KLHL10: variants seen among roughly 807,000 people sequenced by gnomAD.
KLHL10 encodes the protein kelch like family member 10.
In KLHL10, 11 loss-of-function variants were observed where a neutral mutation model predicts 46.6. The ratio of observed to expected loss-of-function variants is 0.24; its 90% CI spans 0.15 to 0.39. The LOEUF is 0.39. Among genes scored for constraint, KLHL10 ranks in the 10% least tolerant of loss-of-function variants. KLHL10 has a pLI of 1.00. For missense variants in KLHL10, 475 were observed against 789.8 expected (o/e 0.60, Z 4.78); for synonymous variants, 254 against 279.1 (o/e 0.91, Z 0.90).
intron 3 of KLHL10, 63 bp downstream of exon 3, chr17:41,845,806 C>T (rs2048278376): frequency 6.2e-7 from 1 of 1,600,414 alleles, no homozygotes; most frequent in African/African-American, 1.3e-5. Flanking sequence ...AATGATACTG[C>T]TCTTTTTTGG....
chr17:41,844,542 A>ATTTTTTTTTTTTTTTTTTTTTTTTTTTTT, intron 2 of KLHL10, among the ~76,000 whole-genome samples: 1 of 115,348 alleles, frequency 8.7e-6, no homozygotes, highest in Non-Finnish European at 1.7e-5. Context: ...TGGTTTTTGT[A>ATTTTTTTTTTTTTTTTTTTTTTTTTTTTT]TTTTTTTTTT....
rs1211084687 is a variant in KLHL10, at chr17:41,842,992, G to A, written c.684+680G>A. Among the ~76,000 whole-genome samples, 5 of 151,868 alleles carry A rather than the reference G, an allele frequency of 3.3e-5. No individual in the cohort carries two copies. The East Asian group carries it at 9.7e-4, about 29-fold the overall frequency. ...TTAAAAATTAACCAGGCTTGGTGGT[G>A]CATGCCTGCAGTTCCAGCTACTGGG... On this transcript the variant is annotated intron_variant, in intron 2 of 4. Coordinates refer to ENST00000293303, the MANE Select transcript of KLHL10 (RefSeq NM_152467.5).
rs782311644 is a variant in KLHL10 at position 41,841,954 on chromosome 17, T to C, written c.326T>C (p.Val109Ala). The change falls in exon 2 of 5, where the codon GTG becomes GCG. Residue 109 changes from valine (V) to alanine (A), a missense_variant. Coordinates refer to ENST00000293303, the MANE Select transcript of KLHL10 (RefSeq NM_152467.5). ...TRTVPITPDN[V>A]EKLLAAADQF... ...ACCGTGCCTATCACACCGGACAATG[T>C]GGAGAAACTGCTTGCTGCTGCAGAC... The C allele has an allele frequency of 1.9e-6, 3 of 1,614,194 alleles. No individual in the cohort carries two copies. Among genetic ancestry groups the C allele is most frequent in the Non-Finnish European group, 2.5e-6 (3 of 1,180,036 alleles).
At chr17:41,836,976 GGAGACCC>G (rs1335116972), upstream of KLHL10, among the ~76,000 whole-genome samples, 146 of 152,228 alleles carry the variant, frequency 9.6e-4, no homozygotes, top group African/African-American at 3.4e-3. Context: ...CAGCGGGCTG[GGAGACCC>G]GGGACAGCTT....
At chr17:41,846,055 C>CA (rs2048281812) in intron 3 of KLHL10, among the ~76,000 whole-genome samples, 1 of 151,426 alleles carries the variant, frequency 6.6e-6, no homozygotes, top group African/African-American at 2.4e-5. Flanking sequence ...ACTAAAAATA[C>CA]AAAAAATTAG....
chr17:41,844,475 G>A (rs1289793363), intron 2 of KLHL10, among the ~76,000 whole-genome samples: 1 of 150,696 alleles, frequency 6.6e-6, no homozygotes, highest in Non-Finnish European at 1.5e-5. Context: ...CAAGTGATCT[G>A]CCCACCTCGG....
chr17:41,836,443 T>C (rs1232835470), upstream of KLHL10: 28 of 984,922 alleles, frequency 2.8e-5, no homozygotes, highest in Non-Finnish European at 3.4e-5. Flanking sequence ...GTGTTGGGGT[T>C]ACGTGGGTAG....
chr17:41,838,688 G>C (rs1279591318), intron 1 of KLHL10, among the ~76,000 whole-genome samples: 2 of 120,142 alleles, frequency 1.7e-5, no homozygotes, highest in African/African-American at 6.3e-5. Context: ...TGAGAGATCT[G>C]ATTTTTGTCT....
Position 41,847,336 on chromosome 17 carries a change from T to C in KLHL10, c.1378T>C (p.Trp460Arg). 3 of 1,613,938 alleles carry C rather than the reference T, an allele frequency of 1.9e-6. No homozygotes were observed. Among genetic ancestry groups the C allele is most frequent in the Non-Finnish European group, 2.5e-6 (3 of 1,179,950 alleles). ...AGTGTATAACACTGAAAGTAATCAG[T>C]GGACAGTCATAGCACCCATGAGAAG... is the stretch of plus-strand genomic sequence containing the variant. ...AEVYNTESNQ[W>R]TVIAPMRSRR... is the part of the protein sequence containing the mutation. Residue 460 changes from tryptophan (W) to arginine (R), a missense_variant, in exon 4 of 5, where the codon TGG (tryptophan) becomes CGG (arginine). Physicochemically the swap from Trp to Arg is moderately radical, Grantham distance 101 (BLOSUM62 -3). Coordinates refer to ENST00000293303, the MANE Select transcript of KLHL10 (RefSeq NM_152467.5).
chr17:41,844,984 T>C, intron 2 of KLHL10, 142 bp from the exon 3 acceptor site: 1 of 1,054,368 alleles, frequency 9.5e-7, no homozygotes. Flanking sequence ...AAATCGACTA[T>C]TTAAACTGTG....
intron 2 of KLHL10, among the ~76,000 whole-genome samples, chr17:41,843,070 G>C (rs1392670170): frequency 6.6e-6 from 1 of 151,054 alleles, no homozygotes; most frequent in Admixed American, 6.6e-5. Flanking sequence ...AGGCTGCAGT[G>C]TGCTGTGATC....
intron 1 of KLHL10, among the ~76,000 whole-genome samples, chr17:41,841,122 A>C (rs4796718): frequency 0.76 from 114,104 of 150,560 alleles, 43,513 homozygotes; most frequent in Admixed American, 0.85. Flanking sequence ...CCTGGGTGAC[A>C]GAGCAAGACC....
rs781834674 is a variant in KLHL10, at chr17:41,841,933, T to C, written c.305T>C (p.Val102Ala). The part of the protein sequence containing the change: ...LIIEYAYTRT[V>A]PITPDNVEKL... Reference sequence around the variant, plus strand: ...ATTGAGTATGCATACACCCGGACCGTGCCTATCACACCGGACAATGTGGAG... The same window carrying C: ...ATTGAGTATGCATACACCCGGACCGCGCCTATCACACCGGACAATGTGGAG... Residue 102 changes from valine to alanine, a missense_variant, in exon 2 of 5, where the codon GTG becomes GCG. Val to Ala is a moderately conservative substitution (Grantham distance 64). Coordinates refer to ENST00000293303, the MANE Select transcript of KLHL10 (RefSeq NM_152467.5). 1.2e-6 allele frequency: 2 copies of C among 1,614,192 alleles called. No individual in the cohort carries two copies. Among genetic ancestry groups the C allele is most frequent in the East Asian group, 2.2e-5 (1 of 44,886 alleles).
chr17:41,835,701 G>T, upstream of KLHL10: 1 of 796,310 alleles, frequency 1.3e-6, no homozygotes, highest in Non-Finnish European at 2.1e-6. Context: ...TGGGTTTTAG[G>T]ACAGGCGAAC....
chr17:41,846,676 G>A (rs9797236), intron 3 of KLHL10, among the ~76,000 whole-genome samples: 105,846 of 151,524 alleles, frequency 0.7, 38,070 homozygotes, highest in South Asian at 0.83. Context: ...GTGAAACCCG[G>A]TCTCTACTAA....
intron 2 of KLHL10, among the ~76,000 whole-genome samples, chr17:41,842,719 C>G (rs1555620880): frequency 6.6e-6 from 1 of 152,052 alleles, no homozygotes; most frequent in Admixed American, 6.6e-5. Context: ...GGGCGGATTA[C>G]CTGAGGTCAG....
In KLHL10 at chr17:41,837,871, G is replaced by T; in HGVS notation, c.-62G>T. On this transcript the variant is annotated 5_prime_UTR_variant, in exon 1 of 5. Coordinates refer to ENST00000293303, the MANE Select transcript of KLHL10 (RefSeq NM_152467.5). Reference sequence around the variant, plus strand: ...AAAGGAGCGACAGCTGGCTAAAGGGGCCCCCCACAACCCTCCCCGACACCC... The same window carrying T: ...AAAGGAGCGACAGCTGGCTAAAGGGTCCCCCCACAACCCTCCCCGACACCC... The T allele has an allele frequency of 6.2e-7, 1 of 1,607,752 alleles. No individual in the cohort carries two copies. The highest frequency in any genetic ancestry group is 8.5e-7 in the Non-Finnish European group (1 of 1,178,964).
At chr17:41,842,342 CAG>C (rs1438074033) in intron 2 of KLHL10, 30 bp downstream of exon 2, 1 of 1,612,782 alleles carries the variant, frequency 6.2e-7, no homozygotes, top group East Asian at 2.2e-5. Flanking sequence ...TCATTTATCA[CAG>C]AGAGATTGTC....
chr17:41,844,868 T>C (rs564011501), intron 2 of KLHL10, among the ~76,000 whole-genome samples: 2 of 152,118 alleles, frequency 1.3e-5, no homozygotes, highest in South Asian at 2.1e-4. Context: ...GTATTTTTAG[T>C]AGAGACAGGG....
Sources: gnomAD v4.1 joint callset for allele counts (sites outside exome capture counted in the v4.1 genomes callset) on GRCh38, gnomAD v4.1.1 for gene constraint, MANE v1.5 for transcripts, NCBI Gene and HGNC (gene_info 2026-07-23, HGNC 2026-07-21) for gene names.